The following FBXO11 variants were observed in gnomAD, a reference collection of about 807,000 sequenced individuals.
The protein encoded by FBXO11 is F-box protein 11.
In FBXO11, 13 loss-of-function variants were observed where a neutral mutation model predicts 117.0. The ratio of observed to expected loss-of-function variants is 0.11; its 90% CI spans 0.07 to 0.18. FBXO11 has a LOEUF of 0.18. Ranked by LOEUF, FBXO11 falls within the 10% of genes least tolerant of loss-of-function variation. The pLI is 1.00. For missense variants in FBXO11, 767 were observed against 1,164.4 expected, an observed-to-expected ratio of 0.66 and a Z score of 4.97; for synonymous variants, 490 against 380.5, an observed-to-expected ratio of 1.29 and a Z score of -3.35.
intron 1 of FBXO11, among the ~76,000 whole-genome samples, chr2:47,848,503 T>C (rs189901993): frequency 8.5e-5 from 13 of 152,298 alleles, no homozygotes; most frequent in African/African-American, 2.9e-4. Flanking sequence ...AAACCAGTCA[T>C]TGGTGCCAAA....
At chr2:47,843,728 G>GCTTCTTCTT (rs575495911) in intron 1 of FBXO11, among the ~76,000 whole-genome samples, 1,698 of 151,774 alleles carry the variant, frequency 0.011, 22 homozygotes, top group African/African-American at 0.036. Context: ...TTTTAGATTT[G>GCTTCTTCTT]CTGCTGCTTC....
intron 1 of FBXO11, among the ~76,000 whole-genome samples, chr2:47,880,412 G>C (rs1289978895): frequency 6.6e-6 from 1 of 151,894 alleles, no homozygotes; most frequent in Non-Finnish European, 1.5e-5. Flanking sequence ...TGATCTGTTT[G>C]GTATTTATGT....
intron 16 of FBXO11, among the ~76,000 whole-genome samples, chr2:47,815,408 G>A (rs1412402560): frequency 2.6e-5 from 4 of 152,270 alleles, no homozygotes; most frequent in African/African-American, 9.6e-5. Context: ...TAGTTTCTAA[G>A]ACCTGCTTTG....
chr2:47,865,851 G>A (rs1417590836), intron 1 of FBXO11: 1 of 152,086 alleles, frequency 6.6e-6, no homozygotes, highest in Non-Finnish European at 1.5e-5. Context: ...TGGGTAAAAT[G>A]GCAGAAAAAT....
rs1267126708 is a variant in FBXO11, at chr2:47,809,276, A to G, written c.2447-10T>C. On this transcript the variant is annotated splice_polypyrimidine_tract_variant and intron_variant, in intron 20 of 22. Coordinates refer to ENST00000403359, the MANE Select transcript of FBXO11 (RefSeq NM_001190274.2). The stretch of plus-strand genomic sequence containing the variant: ...TTCATTATTTTGTTATCTGTAATAA[A>G]AGAAAGAATAAGTAAAAATTCAGAG... 2 of 1,463,390 alleles carry G rather than the reference A, an allele frequency of 1.4e-6. No homozygotes were observed. The highest frequency in any genetic ancestry group is 1.9e-6 in the Non-Finnish European group (2 of 1,060,312). The allele number at this position is 1,463,390 out of a possible 1,614,324, so 90.7% of individuals were successfully genotyped here. A position where few individuals can be genotyped will look rare whatever the true frequency, so the allele number is the denominator to read the frequency against.
chr2:47,808,163 A>G lies in FBXO11; in HGVS notation c.2739T>C (p.Tyr913=), dbSNP rs147423018. ...GEPTHDTDTL[Y]DSAPPIESNT... ...TAGATTCTATAGGTGGAGCAGAGTC[A>G]TATAGTGTATCTGTATCATGTGTAG... Residue 913 remains tyrosine, a synonymous_variant, in exon 23 of 23, where the codon TAT becomes TAC. Coordinates refer to ENST00000403359, the MANE Select transcript of FBXO11 (RefSeq NM_001190274.2). 10 of 1,613,350 alleles carry G rather than the reference A, an allele frequency of 6.2e-6. No homozygotes were observed. The highest frequency in any genetic ancestry group is 8.5e-6 in the Non-Finnish European group (10 of 1,179,890).
At chr2:47,852,242 G>C (rs529994399) in intron 1 of FBXO11, among the ~76,000 whole-genome samples, 1 of 151,976 alleles carries the variant, frequency 6.6e-6, no homozygotes, top group South Asian at 2.1e-4. Context: ...CACCTGCCTC[G>C]GCCTCCCAAA....
chr2:47,867,920 C>A (rs900249108), intron 1 of FBXO11, among the ~76,000 whole-genome samples: 1 of 151,990 alleles, frequency 6.6e-6, no homozygotes, highest in Non-Finnish European at 1.5e-5. Flanking sequence ...TAATTAGAAA[C>A]AACAATTTTT....
chr2:47,897,814 T>G (rs1677792526), intron 1 of FBXO11, among the ~76,000 whole-genome samples: 1 of 147,242 alleles, frequency 6.8e-6, no homozygotes, highest in Non-Finnish European at 1.5e-5. Flanking sequence ...GAAAAAAGAG[T>G]AAAAATGAGA....
intron 1 of FBXO11, among the ~76,000 whole-genome samples, chr2:47,901,131 G>GTATATA (rs200244622): frequency 9.5e-6 from 1 of 105,650 alleles, no homozygotes; most frequent in African/African-American, 3.3e-5. Flanking sequence ...GTGTGTACAT[G>GTATATA]TATATATATA....
chr2:47,822,207 C>T lies in FBXO11; in HGVS notation c.1702+11G>A. The stretch of plus-strand genomic sequence containing the variant: ...ATCTATAAGTTTTATAGAACAAAAC[C>T]ATACGCTTACCATAAATGTCATTTC... On this transcript the variant is annotated intron_variant, in intron 13 of 22. Coordinates refer to ENST00000403359, the MANE Select transcript of FBXO11 (RefSeq NM_001190274.2). 6.4e-7 allele frequency: 1 copy of T among 1,558,148 alleles called. No homozygotes were observed. The highest frequency in any genetic ancestry group is 8.7e-7 in the Non-Finnish European group (1 of 1,142,930).
At chr2:47,884,008 G>C (rs537180041) in intron 1 of FBXO11, 1 of 152,718 alleles carries the variant, frequency 6.5e-6, no homozygotes, top group Admixed American at 6.5e-5. Context: ...GATCACCTGA[G>C]GTCAGGAGTT....
intron 18 of FBXO11, chr2:47,810,986 A>G (rs1295771958): frequency 1.3e-5 from 2 of 152,014 alleles, no homozygotes; most frequent in East Asian, 1.9e-4. Flanking sequence ...TATCCCTCCA[A>G]CCTACTTGTT....
chr2:47,901,841 T>C (rs1453030419), intron 1 of FBXO11, among the ~76,000 whole-genome samples: 3 of 152,224 alleles, frequency 2.0e-5, no homozygotes, highest in Non-Finnish European at 2.9e-5. Flanking sequence ...TAACTCCTTC[T>C]AGAATTTTAA....
At chr2:47,808,449 T>C (rs753238207) in intron 21 of FBXO11, 22 bp from the exon 22 acceptor site, 13 of 1,556,778 alleles carry the variant, frequency 8.4e-6, no homozygotes, top group Non-Finnish European at 1.1e-5. Context: ...AAGCTTAAAT[T>C]ACTTTTCTCA....
At chr2:47,830,799 AATG>A (rs1641600952) in intron 11 of FBXO11, among the ~76,000 whole-genome samples, 1 of 152,106 alleles carries the variant, frequency 6.6e-6, no homozygotes, top group African/African-American at 2.4e-5. Flanking sequence ...GTCTTTCAAA[AATG>A]ATGAACTTGG....
At chr2:47,839,300 A>G in intron 3 of FBXO11, 119 bp downstream of exon 3, 1 of 932,060 alleles carries the variant, frequency 1.1e-6, no homozygotes, top group Non-Finnish European at 1.6e-6. Flanking sequence ...TTATTCTGTA[A>G]TAATCACTTT....
intron 1 of FBXO11, among the ~76,000 whole-genome samples, chr2:47,869,078 CTG>C (rs1675415220): frequency 6.6e-6 from 1 of 152,180 alleles, no homozygotes; most frequent in Non-Finnish European, 1.5e-5. Context: ...CTACAGGAGA[CTG>C]TGTGTTCTGA....
At chr2:47,905,410 G>T (rs1263536024) in intron 1 of FBXO11, 79 bp downstream of exon 1, 86 of 776,108 alleles carry the variant, frequency 1.1e-4, no homozygotes, top group Non-Finnish European at 1.3e-4. Context: ...GCCCCCGCCC[G>T]CCCGCCCGCC....
Sources: gnomAD v4.1 joint callset for allele counts (sites outside exome capture counted in the v4.1 genomes callset) on GRCh38, gnomAD v4.1.1 for gene constraint, MANE v1.5 for transcripts, NCBI Gene and HGNC (gene_info 2026-07-23, HGNC 2026-07-21) for gene names.